Variants in CDH4 observed in about 807,000 individuals in gnomAD.
CDH4 encodes the protein cadherin-4.
A neutral mutation model predicts 86.0 loss-of-function variants in CDH4; 33 were observed. The observed-to-expected ratio is 0.38, with a 90% confidence interval of 0.29 to 0.51. CDH4 has a LOEUF of 0.51. Among genes scored for constraint, CDH4 ranks in the 20% least tolerant of loss-of-function variants. The probability of loss-of-function intolerance (pLI) is 0.86; values close to 1 mark genes in which losing one functional copy is unlikely to be tolerated. For missense variants in CDH4, 1,114 were observed against 1,307.4 expected (o/e 0.85, Z 2.28); for synonymous variants, 555 against 549.4 (o/e 1.01, Z -0.14).
chr20:61,920,389 G>A lies in CDH4; in HGVS notation c.1375-3062G>A, dbSNP rs987295523. On this transcript the variant is annotated intron_variant, in intron 9 of 15. Transcript: ENST00000614565. ...GTGTCGTGATTGGAAGCGTGGTGTC[G>A]CGGTGATTGTGTGGAAGTGTGGTGT... Among the ~76,000 whole-genome samples, 506 of 130,880 alleles carry A rather than the reference G, an allele frequency of 3.9e-3. 8 individuals carry two copies. Among genetic ancestry groups the A allele is most frequent in the African/African-American group, 0.014 (479 of 34,224 alleles). The allele number at this position is 130,880 out of a possible 152,430, so 85.9% of individuals were successfully genotyped here. A position where few individuals can be genotyped will look rare whatever the true frequency, so the allele number is the denominator to read the frequency against.
At chr20:61,602,002 G>C (rs1568707321) in intron 2 of CDH4, among the ~76,000 whole-genome samples, 1 of 152,354 alleles carries the variant, frequency 6.6e-6, no homozygotes, top group East Asian at 1.9e-4. Flanking sequence ...CCAGAGCCAA[G>C]CTGCAGGACG....
chr20:61,804,851 G>T (rs1300977391), intron 4 of CDH4, among the ~76,000 whole-genome samples: 1 of 152,220 alleles, frequency 6.6e-6, no homozygotes, highest in Non-Finnish European at 1.5e-5. Flanking sequence ...AAAAGGCAGA[G>T]GCCAGTGAAA....
At chr20:61,687,360 C>T (rs1225428767) in intron 2 of CDH4, among the ~76,000 whole-genome samples, 1 of 152,186 alleles carries the variant, frequency 6.6e-6, no homozygotes, top group Non-Finnish European at 1.5e-5. Context: ...CAGTGACCGT[C>T]TGTACTCGGA....
intron 2 of CDH4, among the ~76,000 whole-genome samples, chr20:61,492,167 CGATATTGTT>C (rs2085630566): frequency 7.7e-6 from 1 of 129,518 alleles, no homozygotes; most frequent in African/African-American, 3.0e-5. Flanking sequence ...TTGTTGGTGT[CGATATTGTT>C]GATATTGGTG....
intron 2 of CDH4, among the ~76,000 whole-genome samples, chr20:61,523,011 C>T (rs556050314): frequency 2.2e-4 from 34 of 152,316 alleles, no homozygotes; most frequent in Admixed American, 4.6e-4. Flanking sequence ...CATCAGCCAC[C>T]GGCCTCCAGG....
chr20:61,280,975 G>T (rs1193483631), intron 2 of CDH4, among the ~76,000 whole-genome samples: 5 of 152,184 alleles, frequency 3.3e-5, no homozygotes, highest in Non-Finnish European at 1.5e-5. Flanking sequence ...TCCACTGCTG[G>T]CTTTCCATTT....
chr20:61,693,043 G>A (rs747381034), intron 2 of CDH4, among the ~76,000 whole-genome samples: 18 of 152,088 alleles, frequency 1.2e-4, no homozygotes, highest in Non-Finnish European at 2.4e-4. Flanking sequence ...TGCCAGCTGG[G>A]TCTCGAATGG....
chr20:61,571,324 T>C (rs1479887027), intron 2 of CDH4, among the ~76,000 whole-genome samples: 2 of 152,132 alleles, frequency 1.3e-5, no homozygotes, highest in African/African-American at 4.8e-5. Context: ...GCGTGGCTGA[T>C]GTTGGTGCAG....
intron 2 of CDH4, among the ~76,000 whole-genome samples, chr20:61,687,803 C>T (rs969163994): frequency 1.1e-4 from 16 of 152,128 alleles, no homozygotes; most frequent in African/African-American, 2.7e-4. Context: ...CCGCGGACTA[C>T]AATTACAATG....
chr20:61,577,774 T>C (rs2086394462), intron 2 of CDH4, among the ~76,000 whole-genome samples: 8 of 152,138 alleles, frequency 5.3e-5, no homozygotes, highest in Admixed American at 5.2e-4. Context: ...GTGGCGGCCC[T>C]GGGCAGCCCC....
chr20:61,541,694 C>G (rs1350963670), intron 2 of CDH4, among the ~76,000 whole-genome samples: 1 of 152,190 alleles, frequency 6.6e-6, no homozygotes, highest in Non-Finnish European at 1.5e-5. Context: ...TGTGCATAGA[C>G]AGAAATTATG....
chr20:61,672,055 A>G (rs989235692), intron 2 of CDH4, among the ~76,000 whole-genome samples: 6 of 114,848 alleles, frequency 5.2e-5, no homozygotes, highest in Non-Finnish European at 1.0e-4. Context: ...ATAGATAAAT[A>G]GATGGATGGA....
rs2084065581 is a variant in CDH4, at chr20:61,252,437, T to C, written c.-77T>C. 6.5e-6 allele frequency: 4 copies of C among 611,034 alleles called. No individual in the cohort carries two copies. Among genetic ancestry groups the C allele is most frequent in the Non-Finnish European group, 8.0e-6 (4 of 501,488 alleles). 37.9% of individuals were successfully genotyped at this position (611,034 alleles called of 1,614,324 possible). ...GCGGCGGCGATCGGAGCGGCGGCGG[T>C]GGTCTCGGCGGCGGCGGCGGCGGCG... is the stretch of plus-strand genomic sequence containing the variant. On this transcript the variant is annotated 5_prime_UTR_variant, in exon 1 of 16. Transcript: ENST00000614565. This position sits in a 1 kb window ranked among gnomAD's most constrained non-coding sequence, Gnocchi z 4.4.
intron 4 of CDH4, among the ~76,000 whole-genome samples, chr20:61,838,706 C>G (rs549727789): frequency 6.6e-6 from 1 of 151,858 alleles, no homozygotes; most frequent in South Asian, 2.1e-4. Context: ...CTATCCTAGT[C>G]CCAACTACTT....
chr20:61,707,785 C>T (rs934996356), intron 2 of CDH4, among the ~76,000 whole-genome samples: 3 of 152,180 alleles, frequency 2.0e-5, no homozygotes, highest in East Asian at 1.9e-4. Flanking sequence ...AGATCCCGTG[C>T]ACGTGCAGTT....
chr20:61,417,925 C>A lies in CDH4; in HGVS notation c.169+162988C>A, dbSNP rs1369018785. Among the ~76,000 whole-genome samples, 2 of 152,074 alleles carry A rather than the reference C, an allele frequency of 1.3e-5. No homozygotes were observed. The highest frequency in any genetic ancestry group is 2.4e-5 in the African/African-American group (1 of 41,420). ...ACTTGGAAGAGATGGAGCCTCCCATCCCTTGAGTTTTCTGAGGGGTGCACA... is the reference window on the plus strand; with the variant it reads ...ACTTGGAAGAGATGGAGCCTCCCATACCTTGAGTTTTCTGAGGGGTGCACA... On this transcript the variant is annotated intron_variant, in intron 2 of 15. Coordinates refer to ENST00000614565, the MANE Select transcript of CDH4 (RefSeq NM_001794.5). The surrounding 1 kb of genome is among the most constrained non-coding windows in gnomAD (Gnocchi z 4.0).
At position 61,697,770 on chromosome 20, in the gene CDH4, C is replaced by T. The variant is rs1057031420; in HGVS notation, c.170-45793C>T. 2.6e-4 allele frequency among the ~76,000 whole-genome samples: 40 copies of T among 152,184 alleles called. 1 individual carries two copies. The highest frequency in any genetic ancestry group is 9.2e-4 in the African/African-American group (38 of 41,426). On this transcript the variant is annotated intron_variant, in intron 2 of 15. Transcript: ENST00000614565. ...GTCTCCCCAGAGGGGTGTCCATCTC[C>T]GGATCCCCCAGGGCTGTCTCCTCTG...
chr20:61,546,176 G>C (rs1348062441), intron 2 of CDH4, among the ~76,000 whole-genome samples: 1 of 137,160 alleles, frequency 7.3e-6, no homozygotes, highest in Non-Finnish European at 1.6e-5. Context: ...GCCTGTGTGT[G>C]GGGGTATGTG....
intron 2 of CDH4, among the ~76,000 whole-genome samples, chr20:61,451,583 G>C (rs2085380819): frequency 6.6e-6 from 1 of 152,144 alleles, no homozygotes. Flanking sequence ...TTGCTTACTG[G>C]GTAAAGGGAA....
Sources: gnomAD v4.1 joint callset for allele counts (sites outside exome capture counted in the v4.1 genomes callset) on GRCh38, gnomAD v4.1.1 for gene constraint, Gnocchi (gnomAD v3.1) non-coding constraint, MANE v1.5 for transcripts, NCBI Gene and HGNC (gene_info 2026-07-23, HGNC 2026-07-21) for gene names.